Variants in RBFOX1 observed in about 807,000 individuals in gnomAD.
The protein encoded by RBFOX1 is RNA binding fox-1 homolog 1, also known as RNA binding protein fox-1 homolog 1.
In RBFOX1, 8 loss-of-function variants were observed where a neutral mutation model predicts 57.7. That is an observed-to-expected ratio of 0.14 (90% CI 0.08 to 0.25). The LOEUF (loss-of-function observed/expected upper bound fraction) is 0.25, where lower values mean the gene tolerates loss of function less well. Ranked by LOEUF, RBFOX1 falls within the 10% of genes least tolerant of loss-of-function variation. The pLI is 1.00. For missense variants in RBFOX1, 611 were observed against 548.5 expected (o/e 1.11, Z -1.14); for synonymous variants, 326 against 222.4 (o/e 1.47, Z -4.15).
intron 11 of RBFOX1, among the ~76,000 whole-genome samples, chr16:7,653,381 C>G (rs1311078339): frequency 6.6e-6 from 1 of 152,106 alleles, no homozygotes; most frequent in Admixed American, 6.5e-5. Flanking sequence ...ACACTTCTAT[C>G]TATGGTCCCA....
At chr16:7,182,934 C>A (rs1175258620) in intron 4 of RBFOX1, among the ~76,000 whole-genome samples, 6 of 152,200 alleles carry the variant, frequency 3.9e-5, no homozygotes, top group Admixed American at 3.9e-4. Context: ...ATCTTATTTT[C>A]TTTGTTGCTT....
chr16:6,218,320 G>GT (rs1345165194), intron 1 of RBFOX1, among the ~76,000 whole-genome samples: 2 of 151,578 alleles, frequency 1.3e-5, no homozygotes, highest in Non-Finnish European at 2.9e-5. Context: ...TTTATTTATT[G>GT]TTTTTTGAGA....
chr16:7,690,806 CTT>C (rs1378554196), intron 14 of RBFOX1, among the ~76,000 whole-genome samples: 12 of 152,048 alleles, frequency 7.9e-5, no homozygotes, highest in African/African-American at 2.7e-4. Flanking sequence ...AATCAATAGT[CTT>C]AATGTTCAAG....
chr16:6,922,660 G>A (rs1325790586), intron 3 of RBFOX1, among the ~76,000 whole-genome samples: 6 of 149,676 alleles, frequency 4.0e-5, no homozygotes, highest in African/African-American at 1.5e-4. Flanking sequence ...AGCCAGGTGA[G>A]GGTGGAGTAA....
chr16:6,350,000 G>C (rs2086020989), intron 2 of RBFOX1, among the ~76,000 whole-genome samples: 1 of 152,084 alleles, frequency 6.6e-6, no homozygotes, highest in Non-Finnish European at 1.5e-5. Context: ...ATGTAGAAAA[G>C]AGACTTTTAC....
chr16:7,239,968 G>C (rs1480758030), intron 4 of RBFOX1, among the ~76,000 whole-genome samples: 1 of 152,012 alleles, frequency 6.6e-6, no homozygotes. Context: ...ACTATAAGAT[G>C]ATGGTGACGA....
intron 3 of RBFOX1, among the ~76,000 whole-genome samples, chr16:6,875,301 G>A (rs974561993): frequency 2.6e-5 from 4 of 152,128 alleles, no homozygotes; most frequent in Admixed American, 1.3e-4. Flanking sequence ...GTTATGGTGG[G>A]GGTGCGTTTT....
intron 3 of RBFOX1, among the ~76,000 whole-genome samples, chr16:5,699,621 G>A (rs1567413827): frequency 6.6e-6 from 1 of 152,016 alleles, no homozygotes; most frequent in East Asian, 1.9e-4. Context: ...TCAGCTCTGG[G>A]TAGACATTTT....
chr16:6,322,804 C>G (rs2081962681), intron 2 of RBFOX1, among the ~76,000 whole-genome samples: 1 of 152,142 alleles, frequency 6.6e-6, no homozygotes, highest in Non-Finnish European at 1.5e-5. Flanking sequence ...ACAGGCATGG[C>G]CTAGGGCATT....
rs571933815 is a variant in RBFOX1, at chr16:7,685,331, A to G, written c.995+8493A>G. On this transcript the variant is annotated intron_variant, in intron 14 of 15. Coordinates refer to ENST00000550418, the MANE Select transcript of RBFOX1 (RefSeq NM_018723.4). The stretch of plus-strand genomic sequence containing the variant: ...CTTCTTCAATGAGAGAGTAAGAACT[A>G]TCAACAGCTGAGTGACTTCTTCCCT... Among the ~76,000 whole-genome samples, 10 of 152,260 alleles carry G rather than the reference A, an allele frequency of 6.6e-5. No homozygotes were observed. The South Asian group carries it at 2.1e-3, about 32-fold the overall frequency.
chr16:7,137,713 TAACTC>T (rs1291500976), intron 4 of RBFOX1, among the ~76,000 whole-genome samples: 7 of 152,284 alleles, frequency 4.6e-5, no homozygotes, highest in Admixed American at 4.6e-4. Flanking sequence ...AACAGCAACT[TAACTC>T]AAAGGAATAA....
chr16:6,858,355 CA>C (rs1393787339), intron 3 of RBFOX1, among the ~76,000 whole-genome samples: 2 of 152,124 alleles, frequency 1.3e-5, no homozygotes, highest in African/African-American at 4.8e-5. Flanking sequence ...CAGGAAAAAG[CA>C]GAGCAGATTC....
intron 4 of RBFOX1, among the ~76,000 whole-genome samples, chr16:5,978,691 T>C (rs2152307818): frequency 6.8e-6 from 1 of 148,070 alleles, no homozygotes; most frequent in Non-Finnish European, 1.5e-5. Context: ...TTTTTTTTTG[T>C]TGTTGTTGTT....
At position 7,163,144 on chromosome 16, in the gene RBFOX1, AT is replaced by A. The variant is rs201319827; in HGVS notation, c.27+111055del. On this transcript the variant is annotated intron_variant, in intron 4 of 15. Coordinates refer to ENST00000550418, the MANE Select transcript of RBFOX1 (RefSeq NM_018723.4). ...GCATCTGCAGCTCAACACTTTTGAC[AT>A]TTTTTTTTCTCATTTTAATATTGGC... 5.2e-3 allele frequency among the ~76,000 whole-genome samples: 790 copies of A among 151,614 alleles called. 33 individuals carry two copies. The highest frequency in any genetic ancestry group is 0.048 in the Admixed American group (730 of 15,196).
chr16:7,198,436 A>T (rs558102778), intron 4 of RBFOX1, among the ~76,000 whole-genome samples: 3 of 152,240 alleles, frequency 2.0e-5, no homozygotes, highest in Non-Finnish European at 4.4e-5. Context: ...ATTTTATGTT[A>T]TATGAATTCC....
chr16:7,243,467 A>T (rs72767366), intron 4 of RBFOX1, among the ~76,000 whole-genome samples: 2,514 of 152,304 alleles, frequency 0.017, 23 homozygotes, highest in Non-Finnish European at 0.023. Context: ...AGGTGAAGAA[A>T]CTGAGGCTTA....
chr16:6,639,418 A>ACGT (rs2098469184), intron 2 of RBFOX1, among the ~76,000 whole-genome samples: 1 of 152,178 alleles, frequency 6.6e-6, no homozygotes, highest in Non-Finnish European at 1.5e-5. Context: ...CCTGTTAGAA[A>ACGT]TTGCATCTTT....
At chr16:5,766,677 C>T (rs11076964) in intron 3 of RBFOX1, among the ~76,000 whole-genome samples, 67 of 152,176 alleles carry the variant, frequency 4.4e-4, no homozygotes, top group Admixed American at 8.5e-4. Flanking sequence ...GGATCCCCCC[C>T]CAGGACCCAA....
At chr16:7,256,938 C>T (rs540754207) in intron 4 of RBFOX1, among the ~76,000 whole-genome samples, 1 of 152,134 alleles carries the variant, frequency 6.6e-6, no homozygotes, top group Non-Finnish European at 1.5e-5. Flanking sequence ...ACATGGGAAA[C>T]AGCCTTTCTG....
Sources: allele counts gnomAD v4.1 joint callset (sites outside exome capture counted in the v4.1 genomes callset), GRCh38; gene constraint gnomAD v4.1.1; transcripts MANE v1.5; gene names NCBI Gene and HGNC (gene_info 2026-07-23, HGNC 2026-07-21).